VPS52: variants seen among roughly 807,000 people sequenced by gnomAD.
VPS52 encodes vacuolar protein sorting-associated protein 52 homolog.
VPS52 carries 56 observed loss-of-function variants against 98.7 expected under a neutral mutation model. That is an observed-to-expected ratio of 0.57 (90% confidence interval 0.46 to 0.71). The LOEUF (loss-of-function observed/expected upper bound fraction) is 0.71. VPS52 is among the 30% of genes least tolerant of loss of function. VPS52 has a pLI of 0.00. For synonymous variants in VPS52, 348 were observed against 346.4 expected (o/e 1.00, Z -0.05); for missense variants, 742 against 925.9 (o/e 0.80, Z 2.58).
intron 17 of VPS52, among the ~76,000 whole-genome samples, chr6:33,255,746 T>C (rs1762862723): frequency 6.7e-6 from 1 of 149,604 alleles, no homozygotes; most frequent in African/African-American, 2.5e-5. Flanking sequence ...TGAGCTGAGA[T>C]TGCACCACTG....
At position 33,264,482 on chromosome 6, in the gene VPS52, C is replaced by A. The variant is rs1197247036; in HGVS notation, c.1416G>T (p.Val472=). The A allele has an allele frequency of 6.2e-7, 1 of 1,614,072 alleles. No homozygotes were observed. Among genetic ancestry groups the A allele is most frequent in the East Asian group, 2.2e-5 (1 of 44,904 alleles). The change falls in exon 14 of 20, where the codon GTG becomes GTT. Residue 472 remains valine, a synonymous_variant. Transcript: ENST00000445902. ...CAAACCGTGGCCATAGCAAGGCAAG[C>A]ACCTGTTCCCAGTACCTGTGGGCTT... ...VPALDRYWEQ[V]LALLWPRFEL...
intron 17 of VPS52, among the ~76,000 whole-genome samples, chr6:33,252,305 T>A (rs571016571): frequency 1.3e-5 from 2 of 152,138 alleles, no homozygotes; most frequent in African/African-American, 4.8e-5. Flanking sequence ...AAGTTAAGGA[T>A]AGGCCGGGCA....
chr6:33,267,257 A>G lies in VPS52; in HGVS notation c.1056T>C (p.Ser352=). The change falls in exon 11 of 20, where the codon TCT becomes TCC. Residue 352 remains serine, a synonymous_variant. Transcript: ENST00000445902. The surrounding 1 kb of genome is among the most constrained non-coding windows in gnomAD (Gnocchi z 4.2). ...NTIFTLGTRG[S]VISPTELEAP... ...CCTCAAGTTCAGTGGGGGAGATGAC[A>G]GAGCCGCGGGTTCCTAGGGTGAAAA... 1 of 1,605,150 alleles carries G rather than the reference A, an allele frequency of 6.2e-7. No individual in the cohort carries two copies. The highest frequency in any genetic ancestry group is 8.5e-7 in the Non-Finnish European group (1 of 1,176,174).
intron 5 of VPS52, 57 bp downstream of exon 5, chr6:33,269,433 A>G: frequency 9.9e-6 from 16 of 1,608,116 alleles, no homozygotes; most frequent in East Asian, 2.2e-5. Context: ...AAATGGCACC[A>G]GAGTCCATGA....
At chr6:33,270,524 G>A (rs1178368831) in intron 1 of VPS52, among the ~76,000 whole-genome samples, 3 of 152,154 alleles carry the variant, frequency 2.0e-5, no homozygotes, top group Non-Finnish European at 2.9e-5. Flanking sequence ...CAGCATGGTG[G>A]TGGGCTCCTT....
At position 33,270,269 on chromosome 6, in the gene VPS52, C is replaced by T. The variant is rs1427598503; in HGVS notation, c.105G>A (p.Gly35=). 1 of 1,611,902 alleles carries T rather than the reference C, an allele frequency of 6.2e-7. No individual in the cohort carries two copies. Among genetic ancestry groups the T allele is most frequent in the South Asian group, 1.1e-5 (1 of 91,044 alleles). Residue 35 remains glycine (G), a synonymous_variant, in exon 2 of 20, where the codon GGG becomes GGA. Coordinates refer to ENST00000445902, the MANE Select transcript of VPS52 (RefSeq NM_022553.6). ...CCCCAAGTTGCAGTGGTTCCTGGAG[C>T]CCAGGACCACCCGCCTGGAAAGGGA... The part of the protein sequence containing the change: ...EEEGPLAGGP[G]LQEPLQLGEL...
At chr6:33,265,563 G>T (rs1014293786) in intron 12 of VPS52, among the ~76,000 whole-genome samples, 23 of 152,298 alleles carry the variant, frequency 1.5e-4, no homozygotes, top group Admixed American at 5.2e-4. Flanking sequence ...GTAGAGACAA[G>T]GTCTTGCCGC....
chr6:33,267,603 G>C lies in VPS52; in HGVS notation c.991+79C>G. On this transcript the variant is annotated intron_variant, in intron 10 of 19. Transcript: ENST00000445902. This position sits in a 1 kb window ranked among gnomAD's most constrained non-coding sequence, Gnocchi z 4.2. ...TTTCAGTCCCATAGGAAAAGGTAAG[G>C]AGCAGTGCATTGGTGGCTGGAGTCG... is the stretch of plus-strand genomic sequence containing the variant. 6.6e-7 allele frequency: 1 copy of C among 1,524,392 alleles called. No homozygotes were observed. 94.4% of individuals were successfully genotyped at this position (1,524,392 alleles called of 1,614,324 possible).
At chr6:33,265,095 A>G (rs931484041) in intron 12 of VPS52, among the ~76,000 whole-genome samples, 195 bp from the exon 13 acceptor site, 3 of 151,860 alleles carry the variant, frequency 2.0e-5, no homozygotes, top group Non-Finnish European at 4.4e-5. Context: ...TTTTTGAGAT[A>G]GAGTTTCACT....
In VPS52 at chr6:33,271,571, G is replaced by A. The variant is rs916229965; in HGVS notation, c.90+15C>T. 6.3e-7 allele frequency: 1 copy of A among 1,592,928 alleles called. No homozygotes were observed. Among genetic ancestry groups the A allele is most frequent in the Non-Finnish European group, 8.6e-7 (1 of 1,169,518 alleles). ...GCACCGGAACTACGGAGGAGAAACA[G>A]CTCCGCGCTCTCACCAGCGGGCCCT... On this transcript the variant is annotated intron_variant, in intron 1 of 19. Transcript: ENST00000445902.
rs1764423872 is a variant in VPS52 at position 33,267,132 on chromosome 6, C to T, written c.1125+56G>A. The T allele has an allele frequency of 3.4e-6, 5 of 1,450,226 alleles. No homozygotes were observed. Among genetic ancestry groups the T allele is most frequent in the Non-Finnish European group, 4.5e-6 (5 of 1,099,610 alleles). 89.8% of individuals were successfully genotyped at this position (1,450,226 alleles called of 1,614,324 possible). ...AAGCTCTGCCCTGAGGTCTGGCCTT[C>T]CCTCCCCACCGTGCTCAGAGCCTCT... is the stretch of plus-strand genomic sequence containing the variant. On this transcript the variant is annotated intron_variant, in intron 11 of 19. Coordinates refer to ENST00000445902, the MANE Select transcript of VPS52 (RefSeq NM_022553.6). This position sits in a 1 kb window ranked among gnomAD's most constrained non-coding sequence, Gnocchi z 4.2.
At chr6:33,270,950 CAAAAAAAAAAAA>C (rs9280391) in intron 1 of VPS52, among the ~76,000 whole-genome samples, 1 of 84,678 alleles carries the variant, frequency 1.2e-5, no homozygotes, top group African/African-American at 5.7e-5. Flanking sequence ...GACTCCGTCT[CAAAAAAAAAAAA>C]AAAAAAAAAA....
Position 33,254,419 on chromosome 6 carries a change from G to T in VPS52, c.1795-2448C>A, listed in dbSNP as rs557756831. Among the ~76,000 whole-genome samples the T allele has an allele frequency of 1.6e-4, 24 of 152,294 alleles. 1 individual carries two copies. The South Asian group carries it at 4.6e-3, about 29-fold the overall frequency. On this transcript the variant is annotated intron_variant, in intron 17 of 19. Transcript: ENST00000445902. ...TATAATCAAGGCATCTTTGTGATGT[G>T]ATTTTGGACAGAGATTAAATAACCA...
chr6:33,264,607 G>T, intron 13 of VPS52, 110 bp from the exon 14 acceptor site: 3 of 1,534,046 alleles, frequency 2.0e-6, no homozygotes, highest in South Asian at 2.4e-5. Flanking sequence ...GTGGGGGTTG[G>T]GGGGCAGTGG....
At chr6:33,263,970 G>A (rs1418273427) in intron 15 of VPS52, 38 bp downstream of exon 15, 1 of 1,613,862 alleles carries the variant, frequency 6.2e-7, no homozygotes, top group East Asian at 2.2e-5. Context: ...ACTGGAAGCA[G>A]CCCTGCTGCT....
At chr6:33,271,527 G>A in intron 1 of VPS52, 59 bp downstream of exon 1, 1 of 1,556,130 alleles carries the variant, frequency 6.4e-7, no homozygotes, top group Admixed American at 1.9e-5. Context: ...ACCCAGCTCA[G>A]GTCTTTCTGA....
chr6:33,266,034 G>A (rs1471599606), intron 12 of VPS52, among the ~76,000 whole-genome samples: 3 of 151,366 alleles, frequency 2.0e-5, no homozygotes, highest in African/African-American at 7.3e-5. Flanking sequence ...GCTAATTTTT[G>A]TACTGTTAGT....
chr6:33,264,360 T>C lies in VPS52; in HGVS notation c.1524+14A>G, dbSNP rs748991793. On this transcript the variant is annotated intron_variant, in intron 14 of 19. Transcript: ENST00000445902. ...GCCTTTCAAGAACCCTTTGTTACCC[T>C]TGCCCTCCCTCACATAGTGGGGCCG... 1.2e-6 allele frequency: 2 copies of C among 1,613,604 alleles called. No homozygotes were observed. The highest frequency in any genetic ancestry group is 8.5e-7 in the Non-Finnish European group (1 of 1,179,730).
rs1472576043 is a variant in VPS52, at chr6:33,251,775, C to A, written c.1906+85G>T. ...TCAATCCAGTCTTTCATACTCTATT[C>A]CCCCACCATGTAATCTGCATCCTTT... On this transcript the variant is annotated intron_variant, in intron 18 of 19. Coordinates refer to ENST00000445902, the MANE Select transcript of VPS52 (RefSeq NM_022553.6). The A allele has an allele frequency of 2.7e-6, 4 of 1,465,658 alleles. No homozygotes were observed. In the East Asian group the frequency reaches 6.8e-5, roughly 25 times the overall value. 90.8% of individuals were successfully genotyped at this position (1,465,658 alleles called of 1,614,324 possible).
Sources: gnomAD v4.1 joint callset for allele counts (sites outside exome capture counted in the v4.1 genomes callset) on GRCh38, gnomAD v4.1.1 for gene constraint, Gnocchi (gnomAD v3.1) non-coding constraint, MANE v1.5 for transcripts, NCBI Gene and HGNC (gene_info 2026-07-23, HGNC 2026-07-21) for gene names.